The following STOX2 variants were observed in gnomAD, a reference collection of about 807,000 sequenced individuals.
The protein encoded by STOX2 is storkhead box 2, also known as storkhead-box protein 2.
Under a neutral mutation model 60.9 loss-of-function variants are expected in STOX2, and 28 were observed. That is an observed-to-expected ratio of 0.46 (90% confidence interval 0.34 to 0.63). The LOEUF is 0.63. Ranked by LOEUF, STOX2 falls within the 30% of genes least tolerant of loss-of-function variation. The pLI, the probability that STOX2 is intolerant of heterozygous loss-of-function variation, is 0.01. For synonymous variants in STOX2, 472 were observed against 463.9 expected (o/e 1.02, Z -0.22); for missense variants, 1,024 against 1,187.7 (o/e 0.86, Z 2.03).
chr4:183,875,034 T>C (rs1740798353), intron 1 of STOX2, among the ~76,000 whole-genome samples: 1 of 117,862 alleles, frequency 8.5e-6, no homozygotes, highest in South Asian at 3.0e-4. Flanking sequence ...TTACATGTTG[T>C]GGGATAGCTT....
chr4:183,841,183 T>C (rs7657956), intron 1 of STOX2, among the ~76,000 whole-genome samples: 46,435 of 104,442 alleles, frequency 0.44, 8,352 homozygotes, highest in East Asian at 0.65. Context: ...ATCGTAGTAT[T>C]TATTTATTTA....
intron 1 of STOX2, among the ~76,000 whole-genome samples, chr4:183,816,083 A>G (rs539757541): frequency 2.6e-5 from 4 of 152,332 alleles, no homozygotes; most frequent in African/African-American, 9.6e-5. Flanking sequence ...AAGAAAACCA[A>G]ATCGATTCGT....
At chr4:183,972,428 G>T (rs1743771964) in intron 1 of STOX2, among the ~76,000 whole-genome samples, 1 of 152,148 alleles carries the variant, frequency 6.6e-6, no homozygotes. Context: ...ATAAAATATT[G>T]TATGAACTCC....
In STOX2 at chr4:184,011,592, GAAA is replaced by G. The variant is rs770334520; in HGVS notation, c.2585+174_2585+176del. ...GTTTCTGACTTCTTTTTCAGGAATT[GAAA>G]AAAATGTTTCTGCACCTGTAGAGAT... On this transcript the variant is annotated intron_variant, in intron 3 of 3. Transcript: ENST00000308497. This position sits in a 1 kb window ranked among gnomAD's most constrained non-coding sequence, Gnocchi z 4.4. The G allele has an allele frequency of 2.1e-5, 32 of 1,532,128 alleles. No individual in the cohort carries two copies. The African/African-American group carries it at 3.2e-4, about 15-fold the overall frequency. The allele number at this position is 1,532,128 out of a possible 1,614,324, so 94.9% of individuals were successfully genotyped here. A position where few individuals can be genotyped will look rare whatever the true frequency, so the allele number is the denominator to read the frequency against.
rs371693080 is a variant in STOX2, at chr4:183,962,537, G to A, written c.167-38788G>A. Among the ~76,000 whole-genome samples the A allele has an allele frequency of 2.6e-5, 4 of 152,202 alleles. 1 individual carries two copies. In the East Asian group the frequency reaches 7.7e-4, roughly 29 times the overall value. Reference sequence around the variant, plus strand: ...TCATGAGCTTTTTACTATTTTGAAAGCCCCCTTGAAGAGGAGCAATGGCAA... The same window carrying A: ...TCATGAGCTTTTTACTATTTTGAAAACCCCCTTGAAGAGGAGCAATGGCAA... On this transcript the variant is annotated intron_variant, in intron 1 of 3. Coordinates refer to ENST00000308497, the MANE Select transcript of STOX2 (RefSeq NM_020225.3).
At chr4:183,957,148 T>TATTATA (rs1553981781) in intron 1 of STOX2, among the ~76,000 whole-genome samples, 1 of 142,762 alleles carries the variant, frequency 7.0e-6, no homozygotes, top group Non-Finnish European at 1.5e-5. Context: ...AAACTTAAAG[T>TATTATA]ATAATAATAA....
At chr4:183,818,705 GTAGC>G in intron 1 of STOX2, among the ~76,000 whole-genome samples, 2 of 151,528 alleles carry the variant, frequency 1.3e-5, no homozygotes, top group East Asian at 2.0e-4. Context: ...CCCGGACGGG[GTAGC>G]CGGCTGGGCG....
At chr4:183,810,713 C>T (rs2111100254) in intron 1 of STOX2, among the ~76,000 whole-genome samples, 1 of 152,060 alleles carries the variant, frequency 6.6e-6, no homozygotes, top group Middle Eastern at 3.4e-3. Flanking sequence ...ATTGCCTGCA[C>T]CCTCACCCCC....
chr4:183,955,485 C>T (rs767239174), intron 1 of STOX2, among the ~76,000 whole-genome samples: 1 of 152,186 alleles, frequency 6.6e-6, no homozygotes, highest in African/African-American at 2.4e-5. Context: ...AGGTATTCCT[C>T]CCTGTTCTTG....
At chr4:183,920,142 G>T (rs999607302) in intron 1 of STOX2, among the ~76,000 whole-genome samples, 6 of 151,858 alleles carry the variant, frequency 4.0e-5, no homozygotes, top group Non-Finnish European at 2.9e-5. Context: ...TTGAGACAGG[G>T]TCTTGCTCTG....
intron 1 of STOX2, among the ~76,000 whole-genome samples, chr4:183,857,045 T>C (rs1294719785): frequency 5.3e-5 from 8 of 152,124 alleles, no homozygotes; most frequent in Admixed American, 3.3e-4. Flanking sequence ...AAACAAGCCT[T>C]CCTCTCCCTT....
chr4:183,870,987 A>G (rs571985920), intron 1 of STOX2, among the ~76,000 whole-genome samples: 2 of 151,566 alleles, frequency 1.3e-5, no homozygotes, highest in Admixed American at 1.3e-4. Context: ...TCATGAAGAT[A>G]CTGGTTATAT....
At chr4:183,798,026 C>T (rs970658527) in exon 1 of STOX2, 10 of 1,229,686 alleles carry the variant, frequency 8.1e-6, no homozygotes, top group Non-Finnish European at 1.0e-5. Context: ...GCCCTGCGGC[C>T]GCCCTCGGGC....
intron 1 of STOX2, among the ~76,000 whole-genome samples, chr4:183,890,544 G>GAGAGGGAGGGAGGGAGGGAAGGAA (rs1458790325): frequency 8.7e-5 from 13 of 150,142 alleles, no homozygotes; most frequent in Non-Finnish European, 3.0e-5. Context: ...GAAGGAAGGA[G>GAGAGGGAGGGAGGGAGGGAAGGAA]AGAGGGAGGA....
chr4:183,984,021 G>A (rs1732751458), intron 1 of STOX2, among the ~76,000 whole-genome samples: 1 of 152,144 alleles, frequency 6.6e-6, no homozygotes, highest in Non-Finnish European at 1.5e-5. Context: ...GCCCCAGGCA[G>A]GCCTGCCTGC....
intron 1 of STOX2, among the ~76,000 whole-genome samples, chr4:183,965,464 C>T (rs796736399): frequency 1.1e-4 from 17 of 152,246 alleles, no homozygotes; most frequent in African/African-American, 4.1e-4. Context: ...AATGGGATAT[C>T]TTTCCTGAAG....
chr4:183,808,102 A>G (rs2111097845), intron 1 of STOX2, among the ~76,000 whole-genome samples: 1 of 152,294 alleles, frequency 6.6e-6, no homozygotes, highest in Non-Finnish European at 1.5e-5. Flanking sequence ...TCCTTTTTAA[A>G]TCTCTGTTCT....
intron 1 of STOX2, among the ~76,000 whole-genome samples, chr4:183,855,725 T>C (rs891208083): frequency 1.3e-5 from 2 of 152,200 alleles, no homozygotes; most frequent in Non-Finnish European, 2.9e-5. Context: ...ATTTCTCCTA[T>C]TGCAAAAATA....
chr4:183,982,917 A>G (rs1328115410), intron 1 of STOX2, among the ~76,000 whole-genome samples: 1 of 152,116 alleles, frequency 6.6e-6, no homozygotes, highest in Non-Finnish European at 1.5e-5. Context: ...TTGCCTGCAT[A>G]ACCTAAACAT....
Sources: gnomAD v4.1 joint callset for allele counts (sites outside exome capture counted in the v4.1 genomes callset) on GRCh38, gnomAD v4.1.1 for gene constraint, Gnocchi (gnomAD v3.1) non-coding constraint, MANE v1.5 for transcripts, NCBI Gene and HGNC (gene_info 2026-07-23, HGNC 2026-07-21) for gene names.